CSMD1: variants seen among roughly 807,000 people sequenced by gnomAD.
CSMD1 encodes the protein CUB and Sushi multiple domains 1.
A neutral mutation model predicts 417.5 loss-of-function variants in CSMD1; 213 were observed. The ratio of observed to expected loss-of-function variants is 0.51; its 90% confidence interval spans 0.46 to 0.57. CSMD1 has a LOEUF of 0.57. Among genes scored for constraint, CSMD1 ranks in the 20% least tolerant of loss-of-function variants. The pLI is 0.00. For synonymous variants in CSMD1, 2,862 were observed against 1,736.8 expected (o/e 1.65, Z -16.11); for missense variants, 6,923 against 4,529.7 (o/e 1.53, Z -15.17).
In CSMD1 at chr8:3,407,970, C is replaced by T; in HGVS notation, c.2000G>A (p.Gly667Glu). The change falls in exon 14 of 70, where the codon GGG becomes GAG. Residue 667 changes from glycine (G) to glutamate (E), a missense_variant. Physicochemically the swap from Gly to Glu is moderately conservative, Grantham distance 98. Transcript: ENST00000635120. ...CTGAAATTCCAAGCGAACTATATGC[C>T]CACTGCTGGCCAGCTGGGAAGGCAC... is the stretch of plus-strand genomic sequence containing the variant. ...NEVPSQLASS[G>E]HIVRLEFQSD... 2 of 1,613,604 alleles carry T rather than the reference C, an allele frequency of 1.2e-6. No individual in the cohort carries two copies. Among genetic ancestry groups the T allele is most frequent in the Non-Finnish European group, 1.7e-6 (2 of 1,179,776 alleles).
chr8:4,733,161 G>A (rs571093206), intron 1 of CSMD1, among the ~76,000 whole-genome samples: 1 of 152,294 alleles, frequency 6.6e-6, no homozygotes, highest in Admixed American at 6.5e-5. Flanking sequence ...TTCAGTCAAT[G>A]TCTACCAAGT....
rs879477970 is a variant in CSMD1, at chr8:3,855,993, A to AT, written c.819-101952dup. Among the ~76,000 whole-genome samples, 549 of 151,666 alleles carry AT rather than the reference A, an allele frequency of 3.6e-3. 4 individuals carry two copies. The highest frequency in any genetic ancestry group is 0.024 in the Middle Eastern group (7 of 294). Reference sequence around the variant, plus strand: ...TCATGATATCTGTCAGTATTAATCAATTTTTTTTTGTTTTTTATATCTAGA... The same window carrying AT: ...TCATGATATCTGTCAGTATTAATCAATTTTTTTTTTGTTTTTTATATCTAGA... On this transcript the variant is annotated intron_variant, in intron 5 of 69. Transcript: ENST00000635120.
intron 37 of CSMD1, among the ~76,000 whole-genome samples, chr8:3,170,766 G>T (rs905272500): frequency 6.6e-6 from 1 of 152,192 alleles, no homozygotes; most frequent in Non-Finnish European, 1.5e-5. Flanking sequence ...GTGTAAGTTT[G>T]TATTTAAAAT....
At chr8:4,276,948 G>T (rs139773215) in intron 3 of CSMD1, among the ~76,000 whole-genome samples, 2 of 151,946 alleles carry the variant, frequency 1.3e-5, no homozygotes, top group Non-Finnish European at 2.9e-5. Flanking sequence ...GTATGTTTTC[G>T]TATACCAACA....
rs561141689 is a variant in CSMD1 at position 4,238,246 on chromosome 8, G to A, written c.415+181707C>T. 1.4e-4 allele frequency among the ~76,000 whole-genome samples: 22 copies of A among 152,272 alleles called. No individual in the cohort carries two copies. In the South Asian group the frequency reaches 4.4e-3, roughly 30 times the overall value. On this transcript the variant is annotated intron_variant, in intron 3 of 69. Transcript: ENST00000635120. ...TGGGCTGAGGGTCTTCTATGTGCCA[G>A]ACCCTGTGATTCTTTCACTAGGGAC...
Position 3,407,934 on chromosome 8 carries a change from G to C in CSMD1, c.2036C>G (p.Ser679Cys). Residue 679 changes from serine (S) to cysteine (C), a missense_variant, in exon 14 of 70, where the codon TCC (serine) becomes TGC (cysteine). Transcript: ENST00000635120. The stretch of plus-strand genomic sequence containing the variant: ...GATGTTGAACCCTCTGCCAGTAGTG[G>C]AATGGTCAGACTGAAATTCCAAGCG... ...IVRLEFQSDH[S>C]TTGRGFNITY... is the part of the protein sequence containing the mutation. 6.2e-7 allele frequency: 1 copy of C among 1,613,110 alleles called. No individual in the cohort carries two copies. Among genetic ancestry groups the C allele is most frequent in the East Asian group, 2.2e-5 (1 of 44,840 alleles).
At chr8:3,110,665 A>G (rs1816449589) in intron 42 of CSMD1, among the ~76,000 whole-genome samples, 1 of 152,272 alleles carries the variant, frequency 6.6e-6, no homozygotes, top group African/African-American at 2.4e-5. Context: ...AGTGTCCAGC[A>G]CAATGAATTA....
chr8:2,956,731 T>C (rs1347712734), intron 63 of CSMD1, among the ~76,000 whole-genome samples: 2 of 152,138 alleles, frequency 1.3e-5, no homozygotes, highest in Non-Finnish European at 2.9e-5. Context: ...GCTGGGATTA[T>C]AGGCATGAGC....
chr8:2,972,412 A>G (rs948027979), intron 57 of CSMD1, among the ~76,000 whole-genome samples: 3 of 152,212 alleles, frequency 2.0e-5, no homozygotes, highest in African/African-American at 7.2e-5. Flanking sequence ...GTTTGCTTGT[A>G]AAGAATTCCT....
Position 3,201,650 on chromosome 8 carries a change from T to C in CSMD1, c.5060A>G (p.Gln1687Arg), listed in dbSNP as rs955315997. The C allele has an allele frequency of 6.8e-6, 11 of 1,606,034 alleles. No homozygotes were observed. Among genetic ancestry groups the C allele is most frequent in the Non-Finnish European group, 9.4e-6 (11 of 1,176,204 alleles). ...LAELFDGTHA[Q>R]ARLLSSLSGS... ...CGAGAGTGAGCTGAGAAGTCTGGCC[T>C]GTGCATGGGTTCCATCAAATAATTC... The change falls in exon 32 of 70, where the codon CAG becomes CGG. Residue 1687 changes from glutamine (Q) to arginine (R), a missense_variant. Coordinates refer to ENST00000635120, the MANE Select transcript of CSMD1 (RefSeq NM_033225.6).
chr8:4,777,480 A>G (rs947067183), intron 1 of CSMD1, among the ~76,000 whole-genome samples: 1 of 152,174 alleles, frequency 6.6e-6, no homozygotes, highest in African/African-American at 2.4e-5. Flanking sequence ...CTATAATAAG[A>G]TCAGATTTAA....
At chr8:2,983,746 C>T (rs994209776) in intron 54 of CSMD1, among the ~76,000 whole-genome samples, 4 of 152,130 alleles carry the variant, frequency 2.6e-5, no homozygotes, top group African/African-American at 4.8e-5. Flanking sequence ...TGATCGAGGT[C>T]GTGCCTAACT....
At chr8:4,246,182 A>C (rs1396520876) in intron 3 of CSMD1, among the ~76,000 whole-genome samples, 1 of 152,016 alleles carries the variant, frequency 6.6e-6, no homozygotes, top group Non-Finnish European at 1.5e-5. Flanking sequence ...CCAATATTCC[A>C]TCCTCCAAAA....
chr8:4,945,112 C>T (rs1030366823), intron 1 of CSMD1, among the ~76,000 whole-genome samples: 9 of 152,130 alleles, frequency 5.9e-5, no homozygotes, highest in African/African-American at 2.2e-4. Flanking sequence ...AGATGGACCT[C>T]AAGCACAATA....
intron 7 of CSMD1, among the ~76,000 whole-genome samples, chr8:3,660,981 C>G (rs750294727): frequency 6.6e-6 from 1 of 152,146 alleles, no homozygotes; most frequent in Non-Finnish European, 1.5e-5. Flanking sequence ...GAGGGATTGG[C>G]AGAGGTGAGC....
intron 5 of CSMD1, among the ~76,000 whole-genome samples, chr8:3,874,902 T>G (rs777594442): frequency 6.6e-6 from 1 of 151,996 alleles, no homozygotes; most frequent in South Asian, 2.1e-4. Flanking sequence ...TGCGCACCAG[T>G]GATTTGAATA....
chr8:4,173,480 T>G (rs998738309), intron 3 of CSMD1, among the ~76,000 whole-genome samples: 3 of 152,052 alleles, frequency 2.0e-5, no homozygotes, highest in African/African-American at 7.3e-5. Context: ...AAGTTGGATC[T>G]AGAGACACAG....
At chr8:4,358,109 C>A (rs1801533766) in intron 3 of CSMD1, among the ~76,000 whole-genome samples, 2 of 152,062 alleles carry the variant, frequency 1.3e-5, no homozygotes, top group Non-Finnish European at 2.9e-5. Context: ...CTATGATCAG[C>A]CAATTTAATT....
At chr8:3,952,148 G>A (rs968995338) in intron 5 of CSMD1, among the ~76,000 whole-genome samples, 5 of 152,058 alleles carry the variant, frequency 3.3e-5, no homozygotes, top group South Asian at 4.2e-4. Context: ...AAGTATGGTC[G>A]CAGAAACCTT....
Sources: allele counts gnomAD v4.1 joint callset (sites outside exome capture counted in the v4.1 genomes callset), GRCh38; gene constraint gnomAD v4.1.1; transcripts MANE v1.5; gene names NCBI Gene and HGNC (gene_info 2026-07-23, HGNC 2026-07-21).